The following TENM4 variants were observed in gnomAD, a reference collection of about 807,000 sequenced individuals.
TENM4 encodes teneurin-4.
A neutral mutation model predicts 243.3 loss-of-function variants in TENM4; 82 were observed. The observed-to-expected ratio is 0.34, with a 90% CI of 0.28 to 0.40. The LOEUF (loss-of-function observed/expected upper bound fraction) is 0.40. Among genes scored for constraint, TENM4 ranks in the 10% least tolerant of loss-of-function variants. The pLI, the probability that TENM4 is intolerant of heterozygous loss-of-function variation, is 1.00. For synonymous variants in TENM4, 1,412 were observed against 1,456.3 expected, an observed-to-expected ratio of 0.97 and a Z score of 0.69; for missense variants, 3,138 against 3,673.3, an observed-to-expected ratio of 0.85 and a Z score of 3.77.
At chr11:79,164,586 A>ATATACTATATACTATATATATACATT (rs1862867731) in intron 3 of TENM4, among the ~76,000 whole-genome samples, 2 of 145,490 alleles carry the variant, frequency 1.4e-5, no homozygotes, top group African/African-American at 5.0e-5. Flanking sequence ...ATATATACAT[A>ATATACTATATACTATATATATACATT]TATATATCTA....
chr11:79,042,554 C>T (rs898257900), intron 6 of TENM4, among the ~76,000 whole-genome samples: 5 of 152,220 alleles, frequency 3.3e-5, no homozygotes, highest in African/African-American at 1.2e-4. Context: ...TCACCAGAAA[C>T]TGAATCTGTT....
At chr11:78,878,760 GCCTTGTGAC>G (rs1859335782) in intron 9 of TENM4, among the ~76,000 whole-genome samples, 1 of 152,132 alleles carries the variant, frequency 6.6e-6, no homozygotes, top group East Asian at 1.9e-4. Context: ...AGCTGTTCAC[GCCTTGTGAC>G]CCAGGAATCC....
At chr11:79,244,409 G>A (rs1235686483) in intron 2 of TENM4, among the ~76,000 whole-genome samples, 1 of 151,714 alleles carries the variant, frequency 6.6e-6, no homozygotes, top group Non-Finnish European at 1.5e-5. Flanking sequence ...TTTGGATGTG[G>A]CATTAGGAGG....
intron 27 of TENM4, among the ~76,000 whole-genome samples, chr11:78,703,766 A>G (rs1859163137): frequency 6.6e-6 from 1 of 151,792 alleles, no homozygotes; most frequent in African/African-American, 2.4e-5. Context: ...ACTGCCTTAG[A>G]CTTCCTGAGC....
chr11:78,958,850 C>G (rs1857260313), intron 6 of TENM4, among the ~76,000 whole-genome samples: 1 of 152,360 alleles, frequency 6.6e-6, no homozygotes, highest in South Asian at 2.1e-4. Flanking sequence ...GGCCCTAAAG[C>G]AACTGCTCTG....
At chr11:78,686,207 C>T (rs184517389) in intron 29 of TENM4, among the ~76,000 whole-genome samples, 15 of 152,244 alleles carry the variant, frequency 9.9e-5, no homozygotes, top group Admixed American at 9.8e-4. Context: ...GTCAATCATG[C>T]CTATCCAATG....
intron 19 of TENM4, among the ~76,000 whole-genome samples, chr11:78,747,576 G>A (rs1856078580): frequency 6.6e-6 from 1 of 152,154 alleles, no homozygotes; most frequent in African/African-American, 2.4e-5. Context: ...AGGCAGGGGA[G>A]GCACGAGGGG....
intron 2 of TENM4, among the ~76,000 whole-genome samples, chr11:79,289,650 A>C (rs1362990654): frequency 6.6e-6 from 1 of 152,222 alleles, no homozygotes; most frequent in Non-Finnish European, 1.5e-5. Flanking sequence ...TCCTAAGAGC[A>C]TGCTCCAATA....
intron 6 of TENM4, among the ~76,000 whole-genome samples, chr11:78,983,889 A>G (rs947670515): frequency 6.6e-6 from 1 of 152,210 alleles, no homozygotes; most frequent in Non-Finnish European, 1.5e-5. Flanking sequence ...ACCTTGAGCA[A>G]ATCACTAACC....
intron 15 of TENM4, among the ~76,000 whole-genome samples, chr11:78,795,014 T>C (rs1032987313): frequency 3.9e-5 from 6 of 151,998 alleles, no homozygotes; most frequent in African/African-American, 1.5e-4. Flanking sequence ...CAGATGGTGG[T>C]CGCTGCGCTC....
rs377233690 is a variant in TENM4 at position 78,974,776 on chromosome 11, G to A, written c.494-71253C>T. ...CAGACTGGAGGGCAGTGACGTGAGC[G>A]CCTGGGCTCAAGTGATTCCTGTGCC... On this transcript the variant is annotated intron_variant, in intron 6 of 33. Transcript: ENST00000278550. Among the ~76,000 whole-genome samples the A allele has an allele frequency of 3.7e-4, 55 of 148,442 alleles. No homozygotes were observed. In the South Asian group the frequency reaches 5.3e-3, roughly 14 times the overall value.
chr11:78,705,621 C>T (rs1859228614), intron 27 of TENM4, among the ~76,000 whole-genome samples: 1 of 152,340 alleles, frequency 6.6e-6, no homozygotes, highest in Middle Eastern at 3.4e-3. Context: ...TCCACCGGAA[C>T]ATTCTGTGCC....
At chr11:79,083,535 C>T (rs1591269098) in intron 4 of TENM4, among the ~76,000 whole-genome samples, 1 of 152,218 alleles carries the variant, frequency 6.6e-6, no homozygotes, top group Non-Finnish European at 1.5e-5. Context: ...TGTGAGTCCA[C>T]GTGGATAGCA....
chr11:79,197,365 G>T (rs1365787835), intron 3 of TENM4, among the ~76,000 whole-genome samples: 9 of 139,850 alleles, frequency 6.4e-5, no homozygotes, highest in African/African-American at 1.9e-4. Flanking sequence ...AAAAGCCCCT[G>T]CTTGGGCCCA....
At chr11:78,726,954 A>G (rs1015435058) in intron 22 of TENM4, among the ~76,000 whole-genome samples, 1 of 152,226 alleles carries the variant, frequency 6.6e-6, no homozygotes, top group South Asian at 2.1e-4. Flanking sequence ...ACAAGTCTTC[A>G]CCACATTATT....
intron 32 of TENM4, among the ~76,000 whole-genome samples, chr11:78,665,187 TTTTCTC>T (rs201807080): frequency 0.017 from 2,548 of 151,926 alleles, 65 homozygotes; most frequent in African/African-American, 0.059. Flanking sequence ...TTTCTTTTCT[TTTTCTC>T]TCTTTCTTTT....
intron 9 of TENM4, among the ~76,000 whole-genome samples, chr11:78,881,383 A>G (rs1855429867): frequency 6.6e-6 from 1 of 152,186 alleles, no homozygotes; most frequent in Admixed American, 6.5e-5. Context: ...GGAGGTTGTC[A>G]GGGTGGGAAG....
chr11:79,145,949 T>C (rs1297464059), intron 4 of TENM4, among the ~76,000 whole-genome samples: 1 of 152,142 alleles, frequency 6.6e-6, no homozygotes, highest in African/African-American at 2.4e-5. Context: ...TTGCCCATTT[T>C]TCTATTAGGC....
rs181656501 is a variant in TENM4 at position 78,677,583 on chromosome 11, A to C, written c.5261-1196T>G. On this transcript the variant is annotated intron_variant, in intron 29 of 33. Transcript: ENST00000278550. ...TGAACATTTTTAAGGCTCTTGATAC[A>C]CTCTAAGGTAACAATGTTTTTTATA... Among the ~76,000 whole-genome samples, 33 of 151,996 alleles carry C rather than the reference A, an allele frequency of 2.2e-4. No homozygotes were observed. In the East Asian group the frequency reaches 6.0e-3, roughly 28 times the overall value.
Sources: allele counts gnomAD v4.1 joint callset (sites outside exome capture counted in the v4.1 genomes callset), GRCh38; gene constraint gnomAD v4.1.1; transcripts MANE v1.5; gene names NCBI Gene and HGNC (gene_info 2026-07-23, HGNC 2026-07-21).